GATC: variants seen among roughly 807,000 people sequenced by gnomAD.
GATC encodes glutamyl-tRNA(Gln) amidotransferase subunit C, mitochondrial.
Under a neutral mutation model 14.4 loss-of-function variants are expected in GATC, and 11 were observed. The ratio of observed to expected loss-of-function variants is 0.77; its 90% CI spans 0.48 to 1.27. GATC has a LOEUF of 1.27. GATC is among the 50% of genes most tolerant of loss of function. The pLI, the probability that GATC is intolerant of heterozygous loss-of-function variation, is 0.00. For missense variants in GATC, 204 were observed against 183.0 expected (o/e 1.11, Z -0.66); for synonymous variants, 76 against 79.3 (o/e 0.96, Z 0.22).
rs1878324483 is a variant in GATC, at chr12:120,461,036, C to T, written c.*1077C>T. 1 of 149,460 alleles carries T rather than the reference C, an allele frequency of 6.7e-6. No individual in the cohort carries two copies. Among genetic ancestry groups the T allele is most frequent in the African/African-American group, 2.5e-5 (1 of 40,462 alleles). 9.3% of individuals were successfully genotyped at this position (149,460 alleles called of 1,614,324 possible). Reference sequence around the variant, plus strand: ...AAAGTGATAGAATCAGAGAGTTTTTCCTCTAACCAAACTGCCAAAGTTGGT... The same window carrying T: ...AAAGTGATAGAATCAGAGAGTTTTTTCTCTAACCAAACTGCCAAAGTTGGT... On this transcript the variant is annotated 3_prime_UTR_variant, in exon 4 of 4. Transcript: ENST00000551765.
chr12:120,454,426 T>G (rs772845759), intron 2 of GATC, among the ~76,000 whole-genome samples: 7 of 152,140 alleles, frequency 4.6e-5, no homozygotes, highest in Middle Eastern at 3.2e-3. Context: ...GAGCCTAAGC[T>G]CTTAGCCTTT....
intron 2 of GATC, among the ~76,000 whole-genome samples, chr12:120,455,728 C>T (rs904977020): frequency 2.6e-5 from 4 of 152,054 alleles, no homozygotes; most frequent in Non-Finnish European, 5.9e-5. Context: ...CTCTGTCGCC[C>T]AGGCTGGAGT....
chr12:120,449,865 C>T (rs61945860), intron 2 of GATC, among the ~76,000 whole-genome samples: 3 of 151,832 alleles, frequency 2.0e-5, no homozygotes, highest in South Asian at 2.1e-4. Flanking sequence ...CAGGTTCAAG[C>T]GATTCTCCTG....
At chr12:120,453,194 C>T (rs1406903260) in intron 2 of GATC, among the ~76,000 whole-genome samples, 1 of 152,188 alleles carries the variant, frequency 6.6e-6, no homozygotes, top group African/African-American at 2.4e-5. Context: ...CAAGGGCTGA[C>T]AGAATCACAA....
At chr12:120,459,443 C>T (rs937500642) in intron 3 of GATC, among the ~76,000 whole-genome samples, 1 of 152,180 alleles carries the variant, frequency 6.6e-6, no homozygotes, top group Non-Finnish European at 1.5e-5. Context: ...AGAACTGATT[C>T]TTTCAGATAC....
intron 3 of GATC, among the ~76,000 whole-genome samples, chr12:120,458,955 C>T (rs1348211399): frequency 6.6e-6 from 1 of 152,042 alleles, no homozygotes; most frequent in Non-Finnish European, 1.5e-5. Context: ...CCACCTTCCA[C>T]GTTCATGCCA....
Position 120,460,592 on chromosome 12 carries a change from T to A in GATC, c.*633T>A, listed in dbSNP as rs1486482807. The A allele has an allele frequency of 6.6e-6, 1 of 152,198 alleles. No individual in the cohort carries two copies. Among genetic ancestry groups the A allele is most frequent in the African/African-American group, 2.4e-5 (1 of 41,448 alleles). The allele number at this position is 152,198 out of a possible 1,614,324, so 9.4% of individuals were successfully genotyped here. A position where few individuals can be genotyped will look rare whatever the true frequency, so the allele number is the denominator to read the frequency against. ...GTGTTTCTCTTTCTGAAAAGAGAAC[T>A]TATCCTAAAATTAGCCCTGGGCCTG... On this transcript the variant is annotated 3_prime_UTR_variant, in exon 4 of 4. Coordinates refer to ENST00000551765, the MANE Select transcript of GATC (RefSeq NM_176818.3).
At position 120,446,530 on chromosome 12, in the gene GATC, G is replaced by A; in HGVS notation, c.50G>A (p.Arg17His). 1 of 1,602,362 alleles carries A rather than the reference G, an allele frequency of 6.2e-7. No homozygotes were observed. The highest frequency in any genetic ancestry group is 8.5e-7 in the Non-Finnish European group (1 of 1,174,262). The change falls in exon 1 of 4, where the codon CGC (arginine) becomes CAC (histidine). Residue 17 changes from arginine (R) to histidine (H), a missense_variant. Coordinates refer to ENST00000551765, the MANE Select transcript of GATC (RefSeq NM_176818.3). ...GGCCTTCGGGCCCCTCTGGGCGGGC[G>A]CCAGGGCTTCACCTCCAAGGCGGAT... ...WLGLRAPLGG[R>H]QGFTSKADPQ... is the part of the protein sequence containing the mutation.
chr12:120,455,082 T>C, intron 2 of GATC: 1 of 383,692 alleles, frequency 2.6e-6, no homozygotes, highest in South Asian at 1.8e-5. Context: ...GAGACAGGGT[T>C]TCACCATATT....
At chr12:120,451,705 G>A (rs1044687554) in intron 2 of GATC, among the ~76,000 whole-genome samples, 2 of 150,974 alleles carry the variant, frequency 1.3e-5, no homozygotes, top group African/African-American at 2.4e-5. Context: ...TCACGTCACT[G>A]CACTCCAGCC....
rs1248373816 is a variant in GATC, at chr12:120,459,987, T to A, written c.*28T>A. 1 of 1,553,514 alleles carries A rather than the reference T, an allele frequency of 6.4e-7. No homozygotes were observed. Among genetic ancestry groups the A allele is most frequent in the Non-Finnish European group, 8.9e-7 (1 of 1,126,802 alleles). ...AGCTCATTCTGGAAAGGGGGTACTC[T>A]GTGAACATGTGGAAGCATAATGACA... On this transcript the variant is annotated 3_prime_UTR_variant, in exon 4 of 4. Transcript: ENST00000551765.
rs766604795 is a variant in GATC, at chr12:120,446,796, G to T, written c.221G>T (p.Gly74Val). The stretch of plus-strand genomic sequence containing the variant: ...CGGCTACGCGCCGTGGACACAGACG[G>T]GGTGGAGCCCATGGAATCGGTCCTG... ...ADRLRAVDTD[G>V]VEPMESVLED... Residue 74 changes from glycine to valine, a missense_variant, in exon 2 of 4, where the codon GGG becomes GTG. Gly to Val is a moderately radical substitution (Grantham distance 109). Transcript: ENST00000551765. The T allele has an allele frequency of 1.2e-6, 2 of 1,613,498 alleles. No homozygotes were observed. The highest frequency in any genetic ancestry group is 2.7e-5 in the African/African-American group (2 of 74,950).
intron 2 of GATC, among the ~76,000 whole-genome samples, chr12:120,451,253 T>C (rs1878035873): frequency 6.6e-6 from 1 of 150,864 alleles, no homozygotes; most frequent in Non-Finnish European, 1.5e-5. Context: ...AAGACCAGCC[T>C]GGCCAAGATG....
intron 3 of GATC, among the ~76,000 whole-genome samples, chr12:120,459,158 C>A (rs763846157): frequency 3.9e-5 from 6 of 152,156 alleles, no homozygotes; most frequent in Non-Finnish European, 4.4e-5. Context: ...CGCACCCGGC[C>A]GTGAGCTAAA....
intron 2 of GATC, among the ~76,000 whole-genome samples, chr12:120,454,505 C>T (rs879262861): frequency 1.2e-4 from 18 of 152,088 alleles, no homozygotes; most frequent in Non-Finnish European, 2.4e-4. Flanking sequence ...ACTGCAAGCT[C>T]CACCTCCAGG....
intron 2 of GATC, among the ~76,000 whole-genome samples, chr12:120,448,722 T>G (rs1877952056): frequency 7.3e-6 from 1 of 136,302 alleles, no homozygotes. Flanking sequence ...CTCAGCTCAC[T>G]GCAACCTCCA....
chr12:120,457,023 C>T (rs1253042231), intron 2 of GATC, 53 bp from the exon 3 acceptor site: 12 of 1,164,392 alleles, frequency 1.0e-5, no homozygotes, highest in East Asian at 2.3e-5. Context: ...CTCCATCATC[C>T]CCTAAAAGCC....
chr12:120,454,457 G>C (rs1414562980), intron 2 of GATC, among the ~76,000 whole-genome samples: 1 of 152,076 alleles, frequency 6.6e-6, no homozygotes, highest in African/African-American at 2.4e-5. Context: ...GTCTTGCTCT[G>C]TCGCCCAGGC....
At chr12:120,446,897 A>C in intron 2 of GATC, 68 bp downstream of exon 2, 1 of 1,456,910 alleles carries the variant, frequency 6.9e-7, no homozygotes, top group Admixed American at 2.2e-5. Flanking sequence ...TGTGACGATT[A>C]GCGAACAGTT....
Sources: allele counts gnomAD v4.1 joint callset (sites outside exome capture counted in the v4.1 genomes callset), GRCh38; gene constraint gnomAD v4.1.1; transcripts MANE v1.5; gene names NCBI Gene and HGNC (gene_info 2026-07-23, HGNC 2026-07-21).